BLTP2: variants seen among roughly 807,000 people sequenced by gnomAD.
The protein encoded by BLTP2 is bridge-like lipid transfer protein family member 2, also known as U937-associated antigen.
chr17:28,620,930 A>G, the BLTP2 span: 1 of 1,484,444 alleles, frequency 6.7e-7, no homozygotes, highest in South Asian at 1.2e-5. Flanking sequence ...CACCAAGGAA[A>G]TAACTACTTT....
the BLTP2 span, chr17:28,638,630 T>C: frequency 6.2e-7 from 1 of 1,607,912 alleles, no homozygotes; most frequent in East Asian, 2.2e-5. Context: ...GAGCCAGGAT[T>C]TGGGGGAAGG....
At chr17:28,643,248 G>C in the BLTP2 span, 26 of 1,614,122 alleles carry the variant, frequency 1.6e-5, no homozygotes, top group Non-Finnish European at 2.1e-5. Flanking sequence ...GGGCAGACAG[G>C]TCAGAAACTT....
chr17:28,622,555 C>T, the BLTP2 span, among the ~76,000 whole-genome samples: 2 of 152,214 alleles, frequency 1.3e-5, no homozygotes, highest in African/African-American at 4.8e-5. Flanking sequence ...AATGTGGACA[C>T]TTAACACCTG....
the BLTP2 span, chr17:28,635,721 T>C: frequency 3.5e-6 from 4 of 1,144,762 alleles, no homozygotes; most frequent in East Asian, 5.1e-5. Flanking sequence ...CACCCAGAAG[T>C]TGTTCCTGAG....
At chr17:28,639,995 C>G in the BLTP2 span, 1 of 1,614,010 alleles carries the variant, frequency 6.2e-7, no homozygotes, top group Non-Finnish European at 8.5e-7. Context: ...GGTACAGGAA[C>G]TGCAGCAGCT....
the BLTP2 span, chr17:28,628,455 C>T: frequency 3.7e-6 from 6 of 1,614,148 alleles, no homozygotes; most frequent in South Asian, 4.4e-5. Context: ...CATCATATAA[C>T]CCAAAGGCAA....
chr17:28,641,618 G>T, the BLTP2 span, among the ~76,000 whole-genome samples: 2 of 151,440 alleles, frequency 1.3e-5, no homozygotes, highest in African/African-American at 4.9e-5. Context: ...TCCAGCCTGG[G>T]TGACAGAGCA....
At chr17:28,616,970 C>A in the BLTP2 span, 1 of 1,613,830 alleles carries the variant, frequency 6.2e-7, no homozygotes, top group South Asian at 1.1e-5. This position sits in a 1 kb window ranked among gnomAD's most constrained non-coding sequence, Gnocchi z 4.8. Context: ...GTCGCCCAGA[C>A]TGGCAGGAGC....
the BLTP2 span, among the ~76,000 whole-genome samples, chr17:28,618,283 ACT>A: frequency 6.7e-6 from 1 of 149,976 alleles, no homozygotes; most frequent in Admixed American, 6.7e-5. Flanking sequence ...ACAGGGTCTC[ACT>A]CTGTTGCCCA....
the BLTP2 span, chr17:28,618,724 T>TA: frequency 4.6e-6 from 6 of 1,301,336 alleles, no homozygotes; most frequent in Non-Finnish European, 3.2e-6. Context: ...TTTTATGAGT[T>TA]AGACTCCTAA....
the BLTP2 span, chr17:28,632,197 C>T: frequency 6.2e-7 from 1 of 1,613,862 alleles, no homozygotes; most frequent in Non-Finnish European, 8.5e-7. Flanking sequence ...TTGCATCCAG[C>T]GCAGGGTACT....
At chr17:28,624,222 A>T in the BLTP2 span, 8 of 1,612,324 alleles carry the variant, frequency 5.0e-6, no homozygotes, top group Admixed American at 1.7e-5. Flanking sequence ...TAACTTGTAA[A>T]GAGAAGGTAC....
the BLTP2 span, chr17:28,635,609 C>A: frequency 1.2e-6 from 2 of 1,604,506 alleles, no homozygotes; most frequent in Admixed American, 1.7e-5. Flanking sequence ...CCACACTGAA[C>A]CTTTAGGGAG....
At chr17:28,620,099 TGGG>T in the BLTP2 span, 1 of 1,250,352 alleles carries the variant, frequency 8.0e-7, no homozygotes, top group Non-Finnish European at 1.1e-6. Flanking sequence ...GAGAAAGAAA[TGGG>T]GGGGGTCTCT....
chr17:28,619,557 T>C, the BLTP2 span: 1 of 1,459,040 alleles, frequency 6.9e-7, no homozygotes, highest in Non-Finnish European at 9.5e-7. Flanking sequence ...CCTTTGATAA[T>C]GCACACTAGA....
chr17:28,638,478 C>T, the BLTP2 span: 1 of 1,597,706 alleles, frequency 6.3e-7, no homozygotes, highest in South Asian at 1.1e-5. Context: ...GGGCCTAGCT[C>T]CACTAACGGA....
chr17:28,617,343 C>T, the BLTP2 span: 1 of 1,570,032 alleles, frequency 6.4e-7, no homozygotes, highest in East Asian at 2.2e-5. Flanking sequence ...TTTGCCCCAT[C>T]TACTATAATA....
chr17:28,639,841 A>G, the BLTP2 span: 3 of 1,598,698 alleles, frequency 1.9e-6, no homozygotes, highest in Admixed American at 3.3e-5. Context: ...ATGGGGCATG[A>G]GCAAAGAGAG....
chr17:28,628,125 G>C, the BLTP2 span: 2 of 706,302 alleles, frequency 2.8e-6, no homozygotes, highest in Non-Finnish European at 4.7e-6. Flanking sequence ...TAAGACTTAG[G>C]TGGCCTAAGA....
Sources: gnomAD v4.1 joint callset for allele counts (sites outside exome capture counted in the v4.1 genomes callset) on GRCh38, gnomAD v4.1.1 for gene constraint, Gnocchi (gnomAD v3.1) non-coding constraint, MANE v1.5 for transcripts, NCBI Gene and HGNC (gene_info 2026-07-23, HGNC 2026-07-21) for gene names.